The following PRDM11 variants were observed in gnomAD, a reference collection of about 807,000 sequenced individuals.
PRDM11 encodes the protein PR domain-containing protein 11.
Under a neutral mutation model 97.8 loss-of-function variants are expected in PRDM11, and 20 were observed. The observed-to-expected ratio is 0.20, with a 90% confidence interval of 0.14 to 0.30. The LOEUF is 0.30. Ranked by LOEUF, PRDM11 falls within the 10% of genes least tolerant of loss-of-function variation. The probability of loss-of-function intolerance (pLI) is 1.00; values close to 1 mark genes in which losing one functional copy is unlikely to be tolerated. For missense variants in PRDM11, 1,139 were observed against 1,555.2 expected (o/e 0.73, Z 4.50); for synonymous variants, 599 against 637.7 (o/e 0.94, Z 0.91).
rs78493981 is a variant in PRDM11 at position 45,231,476 on chromosome 11, T to C, written c.*3317T>C. 1,591 of 152,250 alleles carry C rather than the reference T, an allele frequency of 0.01. 9 individuals are homozygous for C. The highest frequency in any genetic ancestry group is 0.017 in the Non-Finnish European group (1,174 of 68,030). 9.4% of individuals were successfully genotyped at this position (152,250 alleles called of 1,614,324 possible). On this transcript the variant is annotated 3_prime_UTR_variant, in exon 8 of 8. Coordinates refer to ENST00000683152, the MANE Select transcript of PRDM11 (RefSeq NM_001384648.1). ...AGACAGAGCCCTTTAACTCAGCCTC[T>C]GGCTTAGGAGTGATGACTACAGGCT...
At chr11:45,217,090 T>C (rs4755959) in intron 5 of PRDM11, among the ~76,000 whole-genome samples, 15,298 of 152,258 alleles carry the variant, frequency 0.1, 1,178 homozygotes, top group Admixed American at 0.25. Context: ...GCAGGAAAGT[T>C]TGGAACAACT....
chr11:45,207,168 G>C (rs567209563), intron 5 of PRDM11, among the ~76,000 whole-genome samples: 2 of 152,308 alleles, frequency 1.3e-5, no homozygotes, highest in Non-Finnish European at 2.9e-5. Context: ...TGGAGTGACG[G>C]GAAAGCTGTT....
chr11:45,127,127 G>A (rs540020129), intron 1 of PRDM11, among the ~76,000 whole-genome samples: 16 of 152,028 alleles, frequency 1.1e-4, no homozygotes, highest in Middle Eastern at 3.4e-3. Flanking sequence ...AGTTAATCAC[G>A]TCAGCTCCTG....
intron 5 of PRDM11, among the ~76,000 whole-genome samples, chr11:45,217,013 G>A (rs1853974332): frequency 6.6e-6 from 1 of 152,214 alleles, no homozygotes; most frequent in Admixed American, 6.5e-5. Flanking sequence ...TCCAATCATA[G>A]TGCTATGATT....
rs1416593572 is a variant in PRDM11, at chr11:45,106,824, A to G, written c.96+10923A>G. On this transcript the variant is annotated intron_variant, in intron 1 of 6. Transcript: ENST00000530656. Reference sequence around the variant, plus strand: ...GGCATTTTCTAGATCTAGCCTGGGAAGTTACAGAGCATCTTCTGCCATACT... The same window carrying G: ...GGCATTTTCTAGATCTAGCCTGGGAGGTTACAGAGCATCTTCTGCCATACT... Among the ~76,000 whole-genome samples the G allele has an allele frequency of 3.9e-5, 6 of 152,210 alleles. No individual in the cohort carries two copies. In the East Asian group the frequency reaches 1.2e-3, roughly 29 times the overall value.
At chr11:45,223,437 G>A (rs1414242062) in intron 6 of PRDM11, among the ~76,000 whole-genome samples, 1 of 152,210 alleles carries the variant, frequency 6.6e-6, no homozygotes, top group East Asian at 1.9e-4. Context: ...AATAGGCAAG[G>A]AAACGTCCTT....
chr11:45,214,733 T>C (rs1188173819), intron 5 of PRDM11: 1 of 152,196 alleles, frequency 6.6e-6, no homozygotes, highest in Non-Finnish European at 1.5e-5. Context: ...TCAATCTCAC[T>C]CTTTGAACAC....
intron 1 of PRDM11, among the ~76,000 whole-genome samples, chr11:45,115,609 C>A (rs1852284015): frequency 6.6e-6 from 1 of 152,042 alleles, no homozygotes; most frequent in Non-Finnish European, 1.5e-5. Flanking sequence ...TATAAGAAGA[C>A]AAAAAGTTAT....
At chr11:45,180,462 C>A (rs1364372994) in intron 1 of PRDM11, among the ~76,000 whole-genome samples, 3 of 152,048 alleles carry the variant, frequency 2.0e-5, no homozygotes, top group Non-Finnish European at 2.9e-5. Flanking sequence ...CCCCCCGGGC[C>A]GAGTGCGCAT....
chr11:45,159,791 C>T (rs1348600953), intron 1 of PRDM11, among the ~76,000 whole-genome samples: 1 of 152,206 alleles, frequency 6.6e-6, no homozygotes, highest in Non-Finnish European at 1.5e-5. Flanking sequence ...TCTTCTCCTC[C>T]TTCCTTCCTG....
intron 1 of PRDM11, among the ~76,000 whole-genome samples, chr11:45,178,478 G>A (rs190696988): frequency 2.2e-4 from 34 of 152,096 alleles, no homozygotes; most frequent in Middle Eastern, 3.4e-3. Flanking sequence ...TGCCCACCCT[G>A]CCAGCATCTC....
At position 45,234,094 on chromosome 11, in the gene PRDM11, C is replaced by G. The variant is rs1377882536; in HGVS notation, c.*5935C>G. 6.6e-6 allele frequency: 1 copy of G among 152,336 alleles called. No individual in the cohort carries two copies. The highest frequency in any genetic ancestry group is 1.5e-5 in the Non-Finnish European group (1 of 68,132). The allele number at this position is 152,336 out of a possible 1,614,324, so 9.4% of individuals were successfully genotyped here. ...TTTATCACCAGCTCCTAGCCCGGGC[C>G]GGGCGGGGATGTCTGGGGGCCACGC... On this transcript the variant is annotated 3_prime_UTR_variant, in exon 8 of 8. Transcript: ENST00000683152.
chr11:45,209,164 CCGGGG>C (rs1853622837), intron 5 of PRDM11: 4 of 453,800 alleles, frequency 8.8e-6, no homozygotes, highest in African/African-American at 8.0e-5. Context: ...GGCCCTGGGG[CCGGGG>C]GCCGGGCCCC....
intron 4 of PRDM11, among the ~76,000 whole-genome samples, chr11:45,185,819 T>G (rs904157599): frequency 2.0e-5 from 3 of 152,018 alleles, no homozygotes; most frequent in African/African-American, 7.2e-5. Context: ...CAGAAGGGAT[T>G]TTTTGCACAT....
intron 1 of PRDM11, among the ~76,000 whole-genome samples, chr11:45,181,491 C>CG (rs1220721228): frequency 1.3e-5 from 2 of 152,232 alleles, no homozygotes; most frequent in Non-Finnish European, 2.9e-5. Context: ...CTTCCCAGCG[C>CG]GGCCTCCTGG....
intron 1 of PRDM11, among the ~76,000 whole-genome samples, chr11:45,138,555 G>A (rs1214292672): frequency 1.3e-5 from 2 of 152,112 alleles, no homozygotes; most frequent in Non-Finnish European, 2.9e-5. Flanking sequence ...GTGACAGAGC[G>A]AGACTCTGTC....
At chr11:45,213,147 A>G (rs1468175326) in intron 5 of PRDM11, 4 of 456,572 alleles carry the variant, frequency 8.8e-6, no homozygotes, top group Non-Finnish European at 1.8e-5. Flanking sequence ...TGACCCTTGT[A>G]GGACACTGGG....
Position 45,168,590 on chromosome 11 carries a change from C to G in PRDM11, c.-6-13171C>G, listed in dbSNP as rs774063675. Among the ~76,000 whole-genome samples the G allele has an allele frequency of 1.2e-4, 19 of 152,316 alleles. 1 individual carries two copies. The highest frequency in any genetic ancestry group is 1.0e-3 in the South Asian group (5 of 4,822). On this transcript the variant is annotated intron_variant, in intron 1 of 7. Coordinates refer to ENST00000683152, the MANE Select transcript of PRDM11 (RefSeq NM_001384648.1). The stretch of plus-strand genomic sequence containing the variant: ...AAAGGTGGGGCTTGGGTCAGGGCAT[C>G]TCTGGGCATCCTTTCAGCTCTACCC...
chr11:45,132,204 G>C (rs1018175533), intron 1 of PRDM11, among the ~76,000 whole-genome samples: 1 of 152,166 alleles, frequency 6.6e-6, no homozygotes, highest in African/African-American at 2.4e-5. Context: ...TGTGCAGGGG[G>C]TCATTTTCCC....
Sources: gnomAD v4.1 joint callset for allele counts (sites outside exome capture counted in the v4.1 genomes callset) on GRCh38, gnomAD v4.1.1 for gene constraint, MANE v1.5 for transcripts, NCBI Gene and HGNC (gene_info 2026-07-23, HGNC 2026-07-21) for gene names.